Variants in SEC13 observed in about 807,000 individuals in gnomAD.
SEC13 encodes the protein protein SEC13 homolog.
In SEC13, 25 loss-of-function variants were observed where a neutral mutation model predicts 49.2. That is an observed-to-expected ratio of 0.51 (90% confidence interval 0.37 to 0.71). The LOEUF (loss-of-function observed/expected upper bound fraction) is 0.71, where lower values mean the gene tolerates loss of function less well. SEC13 is among the 30% of genes least tolerant of loss of function. SEC13 has a pLI of 0.00. For synonymous variants in SEC13, 148 were observed against 163.9 expected (o/e 0.90, Z 0.74); for missense variants, 383 against 417.6 (o/e 0.92, Z 0.72).
chr3:10,305,801 G>A, intron 5 of SEC13, 109 bp from the exon 6 acceptor site: 1 of 1,225,226 alleles, frequency 8.2e-7, no homozygotes, highest in Non-Finnish European at 1.2e-6. Flanking sequence ...GAGTGTGTGT[G>A]AAGGCTGACA....
At chr3:10,302,952 A>ATGAT (rs1218609056) in intron 8 of SEC13, among the ~76,000 whole-genome samples, 7 of 151,788 alleles carry the variant, frequency 4.6e-5, no homozygotes, top group Non-Finnish European at 1.0e-4. Flanking sequence ...CAAATACTGT[A>ATGAT]TGATTCCACT....
chr3:10,310,239 C>T (rs1408352127), intron 5 of SEC13, among the ~76,000 whole-genome samples: 1 of 152,082 alleles, frequency 6.6e-6, no homozygotes, highest in African/African-American at 2.4e-5. Context: ...ACCTGTAATC[C>T]CAGCACTTTG....
intron 3 of SEC13, chr3:10,312,945 T>C: frequency 1.9e-6 from 1 of 514,408 alleles, no homozygotes; most frequent in Non-Finnish European, 3.5e-6. Flanking sequence ...CACAGAGCCT[T>C]TGAGAGAGAG....
At chr3:10,313,299 T>G (rs973889929) in intron 3 of SEC13, 3 of 378,988 alleles carry the variant, frequency 7.9e-6, no homozygotes, top group African/African-American at 6.2e-5. Flanking sequence ...ACGGTGACCA[T>G]TTCTCTGGCC....
intron 3 of SEC13, 164 bp downstream of exon 3, chr3:10,315,157 C>G (rs1046422905): frequency 2.8e-5 from 17 of 600,296 alleles, no homozygotes; most frequent in Non-Finnish European, 4.5e-5. Flanking sequence ...CTGGGGACGT[C>G]CGCTGAGGAC....
intron 3 of SEC13, chr3:10,313,641 A>G (rs151275082): frequency 4.7e-4 from 98 of 209,118 alleles, no homozygotes; most frequent in Middle Eastern, 2.1e-3. Context: ...AGCTGCTGCT[A>G]ATGAAACTGA....
At chr3:10,304,277 G>C (rs1458747754) in intron 7 of SEC13, 105 bp from the exon 8 acceptor site, 2 of 1,203,474 alleles carry the variant, frequency 1.7e-6, no homozygotes, top group African/African-American at 3.0e-5. Flanking sequence ...TGCAGGAACA[G>C]GGTGGGGGAT....
rs562536191 is a variant in SEC13 at position 10,321,104 on chromosome 3, C to T, written c.-52G>A. 5.7e-5 allele frequency: 92 copies of T among 1,611,894 alleles called. No homozygotes were observed. In the African/African-American group the frequency reaches 1.1e-3, roughly 19 times the overall value. On this transcript the variant is annotated 5_prime_UTR_variant, in exon 1 of 9. Coordinates refer to ENST00000350697, the MANE Select transcript of SEC13 (RefSeq NM_183352.3). The surrounding 1 kb of genome is among the most constrained non-coding windows in gnomAD (Gnocchi z 4.1). ...TCGGACGTGGCAGCTCCCGGCGGCG[C>T]CTCGGAACAGCTCACTTCCGGCGCC...
chr3:10,309,607 C>G (rs1339267536), intron 5 of SEC13, among the ~76,000 whole-genome samples: 1 of 152,134 alleles, frequency 6.6e-6, no homozygotes, highest in African/African-American at 2.4e-5. Flanking sequence ...ACACTATTCT[C>G]TCTTGTTTTG....
chr3:10,317,041 G>A (rs928848762), intron 2 of SEC13, among the ~76,000 whole-genome samples: 5 of 151,918 alleles, frequency 3.3e-5, no homozygotes, highest in African/African-American at 1.2e-4. Flanking sequence ...CTTAGCATGG[G>A]GCCTGACACT....
rs2059768418 is a variant in SEC13 at position 10,321,067 on chromosome 3, C to T, written c.-15G>A. On this transcript the variant is annotated 5_prime_UTR_variant, in exon 1 of 9. Coordinates refer to ENST00000350697, the MANE Select transcript of SEC13 (RefSeq NM_183352.3). This position sits in a 1 kb window ranked among gnomAD's most constrained non-coding sequence, Gnocchi z 4.1. ...ACACTCACCATGATTGCGGCGGTGG[C>T]TGCTCCAGGTCTCGGACGTGGCAGC... 1.7e-5 allele frequency: 28 copies of T among 1,613,182 alleles called. No homozygotes were observed. Among genetic ancestry groups the T allele is most frequent in the Non-Finnish European group, 2.4e-5 (28 of 1,179,706 alleles).
At chr3:10,310,169 C>A (rs1054499859) in intron 5 of SEC13, among the ~76,000 whole-genome samples, 1 of 152,140 alleles carries the variant, frequency 6.6e-6, no homozygotes, top group Non-Finnish European at 1.5e-5. Flanking sequence ...TGCTCACCAT[C>A]ATCTTTGATT....
At chr3:10,301,620 C>T (rs1299867642) in intron 8 of SEC13, among the ~76,000 whole-genome samples, 1 of 152,206 alleles carries the variant, frequency 6.6e-6, no homozygotes, top group African/African-American at 2.4e-5. Flanking sequence ...TTTCAGCAAA[C>T]TGTGACAGAG....
chr3:10,313,395 C>T (rs755415349), intron 3 of SEC13: 1 of 529,316 alleles, frequency 1.9e-6, no homozygotes, highest in South Asian at 1.4e-5. Context: ...TTCTCCCATT[C>T]ACTAGCTCTT....
Position 10,312,013 on chromosome 3 carries a change from G to T in SEC13, c.402C>A (p.Tyr134Ter). 6.2e-7 allele frequency: 1 copy of T among 1,614,162 alleles called. No homozygotes were observed. The highest frequency in any genetic ancestry group is 8.5e-7 in the Non-Finnish European group (1 of 1,180,024). ...TTACTTCCCATTGGCCTTCCCCGGT[G>T]TAAGTCAGCAGGGAGATGGCCCCAT... ...SSDGAISLLT[Y>*]TGEGQWEVKK... The change falls in exon 5 of 9, where the codon TAC (tyrosine) becomes TAA (stop). Residue 134 changes from tyrosine (Y) to a stop codon, truncating the protein, a stop_gained. Transcript: ENST00000350697. LOFTEE classifies it high-confidence loss of function.
chr3:10,308,673 C>CTAAT (rs148151154), intron 5 of SEC13, among the ~76,000 whole-genome samples: 2,632 of 152,074 alleles, frequency 0.017, 69 homozygotes, highest in African/African-American at 0.059. Flanking sequence ...TGACAATAAT[C>CTAAT]TAATTGTCTT....
chr3:10,312,235 C>A, intron 4 of SEC13, 137 bp from the exon 5 acceptor site: 1 of 1,396,872 alleles, frequency 7.2e-7, no homozygotes, highest in Non-Finnish European at 9.4e-7. Flanking sequence ...GTAACTTGGT[C>A]AACTGAGGAC....
At chr3:10,302,526 T>TA (rs1446144007) in intron 8 of SEC13, among the ~76,000 whole-genome samples, 2 of 152,136 alleles carry the variant, frequency 1.3e-5, no homozygotes, top group East Asian at 1.9e-4. Flanking sequence ...TACAGCCTTG[T>TA]AAAAAAGTCA....
chr3:10,311,819 C>T, intron 5 of SEC13, 146 bp downstream of exon 5: 1 of 1,541,060 alleles, frequency 6.5e-7, no homozygotes, highest in African/African-American at 1.4e-5. Context: ...CTCAAAGCTG[C>T]TCTAGAGCAA....
Sources: gnomAD v4.1 joint callset for allele counts (sites outside exome capture counted in the v4.1 genomes callset) on GRCh38, gnomAD v4.1.1 for gene constraint, Gnocchi (gnomAD v3.1) non-coding constraint, MANE v1.5 for transcripts, NCBI Gene and HGNC (gene_info 2026-07-23, HGNC 2026-07-21) for gene names.